NOL4: variants seen among roughly 807,000 people sequenced by gnomAD.
The protein encoded by NOL4 is cancer/testis antigen 125.
A neutral mutation model predicts 75.9 loss-of-function variants in NOL4; 17 were observed. The observed-to-expected ratio is 0.22, with a 90% CI of 0.15 to 0.34. The LOEUF (loss-of-function observed/expected upper bound fraction) is 0.34. Among genes scored for constraint, NOL4 ranks in the 10% least tolerant of loss-of-function variants. NOL4 has a pLI of 1.00. For missense variants in NOL4, 614 were observed against 793.5 expected, an observed-to-expected ratio of 0.77 and a Z score of 2.72; for synonymous variants, 292 against 289.9, an observed-to-expected ratio of 1.01 and a Z score of -0.07.
chr18:33,956,754 G>A (rs1418159770), intron 8 of NOL4, among the ~76,000 whole-genome samples: 1 of 151,968 alleles, frequency 6.6e-6, no homozygotes, highest in Non-Finnish European at 1.5e-5. Context: ...GAAAGCTCTT[G>A]GTACCATCCA....
intron 6 of NOL4, among the ~76,000 whole-genome samples, chr18:34,004,875 T>G (rs1048923255): frequency 5.3e-5 from 8 of 152,084 alleles, no homozygotes; most frequent in Non-Finnish European, 7.4e-5. Context: ...ATTACTTTAT[T>G]GCACTTATCA....
chr18:34,079,969 A>T (rs2145379600), intron 5 of NOL4, among the ~76,000 whole-genome samples: 1 of 152,376 alleles, frequency 6.6e-6, no homozygotes, highest in East Asian at 1.9e-4. Flanking sequence ...GTTCATTGGG[A>T]AAATCCTGAA....
chr18:34,064,519 G>A (rs1168556473), intron 5 of NOL4, among the ~76,000 whole-genome samples: 1 of 151,840 alleles, frequency 6.6e-6, no homozygotes, highest in Admixed American at 6.6e-5. Flanking sequence ...ATTAAAAAGG[G>A]GAACTGTTCT....
intron 6 of NOL4, among the ~76,000 whole-genome samples, chr18:33,962,367 C>T (rs1006476340): frequency 2.0e-5 from 3 of 152,142 alleles, no homozygotes; most frequent in South Asian, 2.1e-4. Flanking sequence ...ATATAGATGG[C>T]CCCAGCCAAA....
intron 2 of NOL4, among the ~76,000 whole-genome samples, chr18:34,119,829 AGC>A (rs1452542951): frequency 6.6e-6 from 1 of 151,946 alleles, no homozygotes; most frequent in African/African-American, 2.4e-5. Flanking sequence ...TCACAGTGTT[AGC>A]CAGGATGGTC....
At chr18:34,058,015 T>G (rs1456987229) in intron 5 of NOL4, among the ~76,000 whole-genome samples, 1 of 152,172 alleles carries the variant, frequency 6.6e-6, no homozygotes, top group Non-Finnish European at 1.5e-5. Context: ...TCTCCCATTC[T>G]CTTCATTGTA....
rs549565156 is a variant in NOL4 at position 34,018,975 on chromosome 18, T to C, written c.1056+343A>G. Among the ~76,000 whole-genome samples the C allele has an allele frequency of 1.1e-3, 168 of 152,232 alleles. 1 individual carries two copies. In the Middle Eastern group the frequency reaches 0.014, roughly 12 times the overall value. ...GAGAAACTAGATAGTGATCCTTTTA[T>C]AGTAGAAAATTGTGTACCGAGACTG... On this transcript the variant is annotated intron_variant, in intron 6 of 10. Coordinates refer to ENST00000261592, the MANE Select transcript of NOL4 (RefSeq NM_003787.5).
At chr18:34,001,026 C>T (rs972516958) in intron 6 of NOL4, among the ~76,000 whole-genome samples, 1 of 151,976 alleles carries the variant, frequency 6.6e-6, no homozygotes, top group Non-Finnish European at 1.5e-5. Context: ...TAGGTCCTCA[C>T]AGAAAAACAA....
chr18:34,147,320 T>C (rs1568393392), intron 1 of NOL4, among the ~76,000 whole-genome samples: 1 of 152,144 alleles, frequency 6.6e-6, no homozygotes, highest in Non-Finnish European at 1.5e-5. Context: ...ATGCTTCCAC[T>C]TTTTGCCCAT....
intron 10 of NOL4, among the ~76,000 whole-genome samples, chr18:33,881,202 T>C (rs2064248209): frequency 6.6e-6 from 1 of 150,906 alleles, no homozygotes; most frequent in East Asian, 1.9e-4. Context: ...TTGTGATTTT[T>C]GTACATTGAT....
intron 1 of NOL4, among the ~76,000 whole-genome samples, chr18:34,215,825 C>G (rs900718032): frequency 6.6e-6 from 1 of 152,128 alleles, no homozygotes; most frequent in Non-Finnish European, 1.5e-5. Flanking sequence ...AACTTAACTA[C>G]TAATAGTCTA....
chr18:34,019,658 C>T (rs1179990784), intron 5 of NOL4, 57 bp from the exon 6 acceptor site: 2 of 1,477,912 alleles, frequency 1.4e-6, no homozygotes, highest in Non-Finnish European at 1.8e-6. Flanking sequence ...TCAGAGTCTA[C>T]TTCAACTAGC....
chr18:33,887,149 G>T (rs1250718289), intron 9 of NOL4, among the ~76,000 whole-genome samples: 1 of 139,754 alleles, frequency 7.2e-6, no homozygotes, highest in Non-Finnish European at 1.5e-5. Context: ...TCTATATCTA[G>T]ATATATGTGT....
chr18:34,199,277 G>A (rs1215066197), intron 1 of NOL4, among the ~76,000 whole-genome samples: 1 of 151,448 alleles, frequency 6.6e-6, no homozygotes, highest in Admixed American at 6.6e-5. Context: ...TGGTACCAGG[G>A]CCACATCTGC....
chr18:34,011,655 A>C (rs1261615977), intron 6 of NOL4, among the ~76,000 whole-genome samples: 1 of 151,830 alleles, frequency 6.6e-6, no homozygotes, highest in Non-Finnish European at 1.5e-5. Flanking sequence ...AAAAACAAAA[A>C]ACAGAAAGCC....
intron 4 of NOL4, among the ~76,000 whole-genome samples, chr18:34,097,481 A>G (rs538362982): frequency 6.6e-6 from 1 of 152,192 alleles, no homozygotes; most frequent in Non-Finnish European, 1.5e-5. Context: ...AATGCTGGCT[A>G]TCTGCCCAGT....
rs75799760 is a variant in NOL4 at position 34,185,007 on chromosome 18, A to G, written c.264+37983T>C. Among the ~76,000 whole-genome samples, 330 of 152,210 alleles carry G rather than the reference A, an allele frequency of 2.2e-3. 1 individual carries two copies. The highest frequency in any genetic ancestry group is 7.4e-3 in the African/African-American group (306 of 41,544). ...GGGACTCAAAATTTTCTTACCTGTC[A>G]TCTCATCCTCTAACAACACTCAATC... On this transcript the variant is annotated intron_variant, in intron 1 of 10. Coordinates refer to ENST00000261592, the MANE Select transcript of NOL4 (RefSeq NM_003787.5).
chr18:34,000,992 T>G (rs150773955), intron 6 of NOL4, among the ~76,000 whole-genome samples: 78 of 152,206 alleles, frequency 5.1e-4, no homozygotes, highest in African/African-American at 1.8e-3. Context: ...AAATAAAATG[T>G]AAACAGTTTA....
chr18:33,981,179 A>G (rs1302514583), intron 6 of NOL4, among the ~76,000 whole-genome samples: 1 of 152,038 alleles, frequency 6.6e-6, no homozygotes, highest in Non-Finnish European at 1.5e-5. Flanking sequence ...AAAATTCTGA[A>G]TAAACAGAAC....
Sources: allele counts gnomAD v4.1 joint callset (sites outside exome capture counted in the v4.1 genomes callset), GRCh38; gene constraint gnomAD v4.1.1; transcripts MANE v1.5; gene names NCBI Gene and HGNC (gene_info 2026-07-23, HGNC 2026-07-21).